AGAP1: variants seen among roughly 807,000 people sequenced by gnomAD.
AGAP1 encodes arf-GAP with GTPase, ANK repeat and PH domain-containing protein 1.
In AGAP1, 29 loss-of-function variants were observed where a neutral mutation model predicts 105.3. That is an observed-to-expected ratio of 0.28 (90% CI 0.21 to 0.38). The LOEUF (loss-of-function observed/expected upper bound fraction) is 0.38. Among genes scored for constraint, AGAP1 ranks in the 10% least tolerant of loss-of-function variants. AGAP1 has a pLI of 1.00. For missense variants in AGAP1, 998 were observed against 1,165.1 expected (o/e 0.86, Z 2.09); for synonymous variants, 509 against 485.9 (o/e 1.05, Z -0.63).
intron 9 of AGAP1, among the ~76,000 whole-genome samples, chr2:235,818,140 A>C (rs1958568656): frequency 6.6e-6 from 1 of 152,224 alleles, no homozygotes; most frequent in South Asian, 2.1e-4. Context: ...TTATCGTGTG[A>C]GACTTGTAAT....
At chr2:235,681,968 G>T (rs1216392145) in intron 1 of AGAP1, among the ~76,000 whole-genome samples, 1 of 146,628 alleles carries the variant, frequency 6.8e-6, no homozygotes, top group African/African-American at 2.5e-5. Flanking sequence ...CTCTGCCTCA[G>T]CCTCCCAAGT....
In AGAP1 at chr2:235,964,827, C is replaced by T. The variant is rs2054324795; in HGVS notation, c.1484-3635C>T. On this transcript the variant is annotated intron_variant, in intron 12 of 17. Coordinates refer to ENST00000304032, the MANE Select transcript of AGAP1 (RefSeq NM_001037131.3). The surrounding 1 kb of genome is among the most constrained non-coding windows in gnomAD (Gnocchi z 4.6). ...CTGGGAGGAGAAGGACCTCGTGGAGCTGGCCGCACAGTCTAGGCTTGGGGG... is the reference window on the plus strand; with the variant it reads ...CTGGGAGGAGAAGGACCTCGTGGAGTTGGCCGCACAGTCTAGGCTTGGGGG... 1.3e-5 allele frequency among the ~76,000 whole-genome samples: 2 copies of T among 152,134 alleles called. No homozygotes were observed. The highest frequency in any genetic ancestry group is 4.1e-4 in the South Asian group (2 of 4,820).
chr2:236,118,890 C>A lies in AGAP1; in HGVS notation c.2115-1302C>A, dbSNP rs2059836094. Among the ~76,000 whole-genome samples the A allele has an allele frequency of 2.0e-5, 3 of 152,024 alleles. No individual in the cohort carries two copies. In the South Asian group the frequency reaches 6.2e-4, roughly 32 times the overall value. On this transcript the variant is annotated intron_variant, in intron 16 of 17. Transcript: ENST00000304032. ...AGTCTTGAGTTTTCAGTATCTGTCACGCTCTTTTTTGAGAAACCAGAAACC... is the reference window on the plus strand; with the variant it reads ...AGTCTTGAGTTTTCAGTATCTGTCAAGCTCTTTTTTGAGAAACCAGAAACC...
Position 235,868,161 on chromosome 2 carries a change from C to A in AGAP1, c.1051-15184C>A, listed in dbSNP as rs2049271658. Among the ~76,000 whole-genome samples, 3 of 150,942 alleles carry A rather than the reference C, an allele frequency of 2.0e-5. No homozygotes were observed. The South Asian group carries it at 6.3e-4, about 32-fold the overall frequency. Reference sequence around the variant, plus strand: ...CACTAAATGAGCTATTAACAATATTCACTGTAAAACCACCGAAGTACTCAA... The same window carrying A: ...CACTAAATGAGCTATTAACAATATTAACTGTAAAACCACCGAAGTACTCAA... On this transcript the variant is annotated intron_variant, in intron 9 of 17. Coordinates refer to ENST00000304032, the MANE Select transcript of AGAP1 (RefSeq NM_001037131.3).
chr2:236,077,160 T>C (rs1161688843), intron 16 of AGAP1, among the ~76,000 whole-genome samples: 2 of 147,176 alleles, frequency 1.4e-5, no homozygotes, highest in African/African-American at 5.0e-5. Context: ...TATATATATA[T>C]TCATATTCCA....
Position 235,549,726 on chromosome 2 carries a change from G to A in AGAP1, c.163+54877G>A, listed in dbSNP as rs891168280. ...TACGAGCATTCACATGCATTTAAGA[G>A]TGCTCTTAGCAGTTCGCGTTCTATA... On this transcript the variant is annotated intron_variant, in intron 1 of 17. Coordinates refer to ENST00000304032, the MANE Select transcript of AGAP1 (RefSeq NM_001037131.3). This position sits in a 1 kb window ranked among gnomAD's most constrained non-coding sequence, Gnocchi z 4.2. Among the ~76,000 whole-genome samples the A allele has an allele frequency of 6.6e-6, 1 of 152,198 alleles. No homozygotes were observed. The highest frequency in any genetic ancestry group is 6.5e-5 in the Admixed American group (1 of 15,292).
chr2:235,929,995 A>G (rs1472684387), intron 11 of AGAP1, among the ~76,000 whole-genome samples: 1 of 152,222 alleles, frequency 6.6e-6, no homozygotes, highest in East Asian at 1.9e-4. Context: ...CTAACAGACT[A>G]ATTCGCTGGC....
rs1337794771 is a variant in AGAP1 at position 235,566,796 on chromosome 2, A to G, written c.163+71947A>G. 2.6e-5 allele frequency among the ~76,000 whole-genome samples: 4 copies of G among 152,242 alleles called. No individual in the cohort carries two copies. The highest frequency in any genetic ancestry group is 5.9e-5 in the Non-Finnish European group (4 of 68,038). ...GTGTTAGTTTCCTGTGGCTGCCGTA[A>G]CAGCCACAAACTAGGTGGCTTAAAA... On this transcript the variant is annotated intron_variant, in intron 1 of 17. Transcript: ENST00000304032. The surrounding 1 kb of genome is among the most constrained non-coding windows in gnomAD (Gnocchi z 5.2).
intron 1 of AGAP1, among the ~76,000 whole-genome samples, chr2:235,605,148 G>C (rs1006101676): frequency 1.3e-5 from 2 of 152,216 alleles, no homozygotes; most frequent in African/African-American, 4.8e-5. Flanking sequence ...AAAGTGCTGG[G>C]ACTACAGGCA....
rs1945974626 is a variant in AGAP1, at chr2:235,607,235, G to T, written c.164-101944G>T. On this transcript the variant is annotated intron_variant, in intron 1 of 17. Coordinates refer to ENST00000304032, the MANE Select transcript of AGAP1 (RefSeq NM_001037131.3). ...AGGGCTGCCCCTAGACCATGCAGGGGAATGCTAGGTGGGAAATAGGACATT... is the reference window on the plus strand; with the variant it reads ...AGGGCTGCCCCTAGACCATGCAGGGTAATGCTAGGTGGGAAATAGGACATT... Among the ~76,000 whole-genome samples the T allele has an allele frequency of 3.3e-5, 5 of 152,190 alleles. No homozygotes were observed. The South Asian group carries it at 1.0e-3, about 32-fold the overall frequency.
rs529305107 is a variant in AGAP1 at position 235,596,580 on chromosome 2, C to T, written c.163+101731C>T. On this transcript the variant is annotated intron_variant, in intron 1 of 17. Transcript: ENST00000304032. This position sits in a 1 kb window ranked among gnomAD's most constrained non-coding sequence, Gnocchi z 5.9. ...CAGGCAGAGTTGGAGAGACCCTTCC[C>T]GGGTTCCTGGTTGCAGGTGCTGTGT... Among the ~76,000 whole-genome samples the T allele has an allele frequency of 1.3e-5, 2 of 152,150 alleles. No homozygotes were observed. The highest frequency in any genetic ancestry group is 1.9e-4 in the East Asian group (1 of 5,194).
At chr2:235,783,455 C>A in intron 6 of AGAP1, 1 of 461,644 alleles carries the variant, frequency 2.2e-6, no homozygotes, top group Non-Finnish European at 4.5e-6. Context: ...CTCATAGAGT[C>A]CTGTTAGGAA....
intron 13 of AGAP1, among the ~76,000 whole-genome samples, chr2:236,029,820 C>G (rs2057171909): frequency 6.6e-6 from 1 of 152,092 alleles, no homozygotes; most frequent in African/African-American, 2.4e-5. Context: ...CTCACTGCAG[C>G]CTCCATCTCC....
chr2:235,659,307 G>T lies in AGAP1; in HGVS notation c.164-49872G>T, dbSNP rs1380279561. Reference sequence around the variant, plus strand: ...ATAATAATAGTACCTACCTCTCTGTGGCACTTTGGGGGTAGAATGGATGAA... The same window carrying T: ...ATAATAATAGTACCTACCTCTCTGTTGCACTTTGGGGGTAGAATGGATGAA... On this transcript the variant is annotated intron_variant, in intron 1 of 17. Transcript: ENST00000304032. The surrounding 1 kb of genome is among the most constrained non-coding windows in gnomAD (Gnocchi z 5.0). Among the ~76,000 whole-genome samples, 4 of 152,146 alleles carry T rather than the reference G, an allele frequency of 2.6e-5. No individual in the cohort carries two copies. The highest frequency in any genetic ancestry group is 9.7e-5 in the African/African-American group (4 of 41,424).
chr2:235,514,172 A>T (rs1193026923), intron 1 of AGAP1, among the ~76,000 whole-genome samples: 1 of 152,164 alleles, frequency 6.6e-6, no homozygotes, highest in Non-Finnish European at 1.5e-5. Flanking sequence ...GCACACACAC[A>T]CACACACACA....
Position 235,793,473 on chromosome 2 carries a change from T to C in AGAP1, c.674-4286T>C, listed in dbSNP as rs1957096402. Among the ~76,000 whole-genome samples the C allele has an allele frequency of 6.6e-6, 1 of 152,132 alleles. No individual in the cohort carries two copies. The highest frequency in any genetic ancestry group is 2.1e-4 in the South Asian group (1 of 4,826). ...GTGGAACCAGGACAGTCTGTTGGGG[T>C]GCTGGCAGGGTGTTCGATTGCCACA... On this transcript the variant is annotated intron_variant, in intron 6 of 17. Coordinates refer to ENST00000304032, the MANE Select transcript of AGAP1 (RefSeq NM_001037131.3). This position sits in a 1 kb window ranked among gnomAD's most constrained non-coding sequence, Gnocchi z 5.3.
chr2:236,093,200 G>A (rs191393955), intron 16 of AGAP1, among the ~76,000 whole-genome samples: 16 of 152,302 alleles, frequency 1.1e-4, no homozygotes, highest in African/African-American at 3.8e-4. Context: ...CTGCACCCCT[G>A]GGGGAGAGGA....
In AGAP1 at chr2:235,906,705, A is replaced by G. The variant is rs1373499453; in HGVS notation, c.1156-2033A>G. On this transcript the variant is annotated intron_variant, in intron 10 of 17. Transcript: ENST00000304032. The surrounding 1 kb of genome is among the most constrained non-coding windows in gnomAD (Gnocchi z 5.3). ...ACCTGACCATGGTTGGGCAGGGAGAAAACAGCTCTTCTCATCCTCTGCCCT... is the reference window on the plus strand; with the variant it reads ...ACCTGACCATGGTTGGGCAGGGAGAGAACAGCTCTTCTCATCCTCTGCCCT... Among the ~76,000 whole-genome samples the G allele has an allele frequency of 6.7e-6, 1 of 150,204 alleles. No homozygotes were observed. Among genetic ancestry groups the G allele is most frequent in the Non-Finnish European group, 1.5e-5 (1 of 68,006 alleles).
chr2:235,803,144 GGTCA>G (rs1957661221), intron 8 of AGAP1, among the ~76,000 whole-genome samples: 3 of 145,554 alleles, frequency 2.1e-5, no homozygotes, highest in African/African-American at 7.6e-5. Flanking sequence ...TGATGGTGAT[GGTCA>G]TGATGGTGAT....
Sources: gnomAD v4.1 joint callset for allele counts (sites outside exome capture counted in the v4.1 genomes callset) on GRCh38, gnomAD v4.1.1 for gene constraint, Gnocchi (gnomAD v3.1) non-coding constraint, MANE v1.5 for transcripts, NCBI Gene and HGNC (gene_info 2026-07-23, HGNC 2026-07-21) for gene names.